NEDD4L: variants seen among roughly 807,000 people sequenced by gnomAD.
The protein encoded by NEDD4L is NEDD4 like E3 ubiquitin protein ligase, also known as E3 ubiquitin-protein ligase NEDD4-like.
A neutral mutation model predicts 148.9 loss-of-function variants in NEDD4L; 54 were observed. The observed-to-expected ratio is 0.36, with a 90% CI of 0.29 to 0.45. NEDD4L has a LOEUF of 0.45. Ranked by LOEUF, NEDD4L falls within the 20% of genes least tolerant of loss-of-function variation. The probability of loss-of-function intolerance (pLI) is 1.00; values close to 1 mark genes in which losing one functional copy is unlikely to be tolerated. For missense variants in NEDD4L, 856 were observed against 1,233.8 expected, an observed-to-expected ratio of 0.69 and a Z score of 4.59; for synonymous variants, 433 against 440.7, an observed-to-expected ratio of 0.98 and a Z score of 0.22.
intron 5 of NEDD4L, among the ~76,000 whole-genome samples, chr18:58,267,861 A>G (rs2050439292): frequency 6.6e-6 from 1 of 152,044 alleles, no homozygotes; most frequent in Non-Finnish European, 1.5e-5. Context: ...TAGCTTTTAA[A>G]ATAGCTCATT....
At chr18:58,312,188 C>T (rs151149676) in intron 5 of NEDD4L, among the ~76,000 whole-genome samples, 17 of 152,298 alleles carry the variant, frequency 1.1e-4, no homozygotes, top group African/African-American at 3.6e-4. Flanking sequence ...TATTTGATGG[C>T]TCATTAGAAG....
chr18:58,364,722 G>A (rs1031292039), intron 20 of NEDD4L, among the ~76,000 whole-genome samples: 1 of 152,226 alleles, frequency 6.6e-6, no homozygotes, highest in South Asian at 2.1e-4. Context: ...GTCCTTCCTT[G>A]TAAATGCAAA....
intron 2 of NEDD4L, among the ~76,000 whole-genome samples, chr18:58,174,418 T>C (rs2037873425): frequency 6.6e-6 from 1 of 152,202 alleles, no homozygotes; most frequent in South Asian, 2.1e-4. Flanking sequence ...GCCTTCAGGC[T>C]GTTTTTGGCT....
intron 1 of NEDD4L, among the ~76,000 whole-genome samples, chr18:58,103,414 GTTAA>G (rs1042870608): frequency 6.6e-5 from 10 of 151,952 alleles, no homozygotes; most frequent in African/African-American, 1.9e-4. Flanking sequence ...ACCCCCGTGT[GTTAA>G]TTGAGTAATT....
Position 58,252,024 on chromosome 18 carries a change from C to A in NEDD4L, c.267C>A (p.Leu89=), listed in dbSNP as rs766815388. Reference sequence around the variant, plus strand: ...AGGTAAACCCATCTAATCACAGACTCCTATTTGAAGTATTTGACGAAAATA... The same window carrying A: ...AGGTAAACCCATCTAATCACAGACTACTATTTGAAGTATTTGACGAAAATA... ...YFRVNPSNHR[L]LFEVFDENRL... The change falls in exon 5 of 31, where the codon CTC becomes CTA. Residue 89 remains leucine, a synonymous_variant. Transcript: ENST00000400345. 6.3e-7 allele frequency: 1 copy of A among 1,593,500 alleles called. No individual in the cohort carries two copies. Among genetic ancestry groups the A allele is most frequent in the Non-Finnish European group, 8.6e-7 (1 of 1,161,354 alleles).
chr18:58,302,329 A>G (rs1040045546), intron 5 of NEDD4L, among the ~76,000 whole-genome samples: 5 of 152,218 alleles, frequency 3.3e-5, no homozygotes, highest in Admixed American at 1.3e-4. Context: ...TTAGTCTTGC[A>G]TCTTGCTCCT....
chr18:58,199,461 C>T (rs945403865), intron 2 of NEDD4L, among the ~76,000 whole-genome samples: 10 of 152,122 alleles, frequency 6.6e-5, no homozygotes, highest in African/African-American at 2.4e-4. Context: ...CAGCCTAAAG[C>T]GTCGGTACTG....
chr18:58,242,719 T>C (rs934756931), intron 2 of NEDD4L, among the ~76,000 whole-genome samples: 18 of 152,268 alleles, frequency 1.2e-4, no homozygotes, highest in South Asian at 4.2e-4. Context: ...TTGCCCAGGC[T>C]GGTCTTGAAC....
chr18:58,345,028 T>C (rs1470946820), intron 16 of NEDD4L, among the ~76,000 whole-genome samples: 1 of 152,280 alleles, frequency 6.6e-6, no homozygotes, highest in African/African-American at 2.4e-5. Flanking sequence ...CAGCACTCGC[T>C]TTATTTATTG....
intron 2 of NEDD4L, among the ~76,000 whole-genome samples, chr18:58,171,563 C>T (rs541833058): frequency 8.5e-5 from 13 of 152,378 alleles, no homozygotes; most frequent in Admixed American, 6.5e-4. Context: ...GAGGCTCCAG[C>T]CCTGTCTTAT....
chr18:58,365,382 T>TA (rs1568859814), intron 20 of NEDD4L, among the ~76,000 whole-genome samples: 1 of 152,216 alleles, frequency 6.6e-6, no homozygotes, highest in African/African-American at 2.4e-5. Flanking sequence ...CATTCATTCT[T>TA]ACAGCCAGAC....
At chr18:58,232,630 C>G (rs1273641325) in intron 2 of NEDD4L, among the ~76,000 whole-genome samples, 8 of 152,190 alleles carry the variant, frequency 5.3e-5, no homozygotes, top group African/African-American at 1.9e-4. Flanking sequence ...GGGGGCATCA[C>G]CGTAATGTGG....
At position 58,177,391 on chromosome 18, in the gene NEDD4L, A is replaced by G. The variant is rs527777310; in HGVS notation, c.122+11530A>G. ...ACAATGAGGAAAATATTTATTTAAC[A>G]AAAATTGAACTACCAACCAAGCCTT... On this transcript the variant is annotated intron_variant, in intron 2 of 30. Coordinates refer to ENST00000400345, the MANE Select transcript of NEDD4L (RefSeq NM_001144967.3). Among the ~76,000 whole-genome samples, 34 of 152,360 alleles carry G rather than the reference A, an allele frequency of 2.2e-4. 1 individual carries two copies. The South Asian group carries it at 7.1e-3, about 32-fold the overall frequency.
intron 3 of NEDD4L, among the ~76,000 whole-genome samples, chr18:58,248,439 T>C (rs999011508): frequency 3.3e-5 from 5 of 152,178 alleles, no homozygotes; most frequent in African/African-American, 7.2e-5. Context: ...AATCTGATCC[T>C]CAGTATAGCT....
At chr18:58,135,270 G>A (rs1431323483) in intron 1 of NEDD4L, among the ~76,000 whole-genome samples, 1 of 152,222 alleles carries the variant, frequency 6.6e-6, no homozygotes, top group African/African-American at 2.4e-5. Flanking sequence ...AGAACGAGGA[G>A]AGAAGGGACG....
At chr18:58,393,729 G>A (rs1350289822) in intron 30 of NEDD4L, among the ~76,000 whole-genome samples, 1 of 152,128 alleles carries the variant, frequency 6.6e-6, no homozygotes, top group Non-Finnish European at 1.5e-5. Context: ...CAACAGTTCT[G>A]CCATAAAATT....
chr18:58,190,821 A>T (rs2040023396), intron 2 of NEDD4L, among the ~76,000 whole-genome samples: 2 of 152,336 alleles, frequency 1.3e-5, no homozygotes, highest in East Asian at 1.9e-4. Context: ...GCCATCAAAT[A>T]GAAGATGTAA....
intron 9 of NEDD4L, among the ~76,000 whole-genome samples, 183 bp from the exon 10 acceptor site, chr18:58,328,812 C>T (rs1011596669): frequency 3.3e-5 from 5 of 152,210 alleles, no homozygotes; most frequent in Admixed American, 1.3e-4. Flanking sequence ...TTGAAATGAA[C>T]CTTAACCTAT....
At chr18:58,194,993 G>A (rs1184289627) in intron 2 of NEDD4L, among the ~76,000 whole-genome samples, 1 of 152,234 alleles carries the variant, frequency 6.6e-6, no homozygotes, top group East Asian at 1.9e-4. Context: ...AGTGGAGATG[G>A]GATCCAAAGC....
Sources: allele counts gnomAD v4.1 joint callset (sites outside exome capture counted in the v4.1 genomes callset), GRCh38; gene constraint gnomAD v4.1.1; transcripts MANE v1.5; gene names NCBI Gene and HGNC (gene_info 2026-07-23, HGNC 2026-07-21).